IKZF2: variants seen among roughly 807,000 people sequenced by gnomAD.
IKZF2 encodes the protein zinc finger protein Helios.
A neutral mutation model predicts 49.2 loss-of-function variants in IKZF2; 15 were observed. The ratio of observed to expected loss-of-function variants is 0.30; its 90% CI spans 0.20 to 0.47. The LOEUF (loss-of-function observed/expected upper bound fraction) is 0.47, where lower values mean the gene tolerates loss of function less well. Among genes scored for constraint, IKZF2 ranks in the 20% least tolerant of loss-of-function variants. IKZF2 has a pLI of 1.00. For missense variants in IKZF2, 567 were observed against 664.6 expected (o/e 0.85, Z 1.61); for synonymous variants, 227 against 221.4 (o/e 1.03, Z -0.23).
chr2:213,150,455 CCCTCCTCCTCCTCCTCCTCCTCGT>C (rs1325100293), intron 1 of IKZF2: 38 of 186,308 alleles, frequency 2.0e-4, no homozygotes, highest in South Asian at 1.4e-3. Flanking sequence ...AAGAACACCC[CCCTCCTCCTCCTCCTCCTCCTCGT>C]CCTCCTCCTC....
chr2:213,072,469 G>A (rs1368048883), intron 4 of IKZF2, among the ~76,000 whole-genome samples: 1 of 152,144 alleles, frequency 6.6e-6, no homozygotes, highest in Admixed American at 6.5e-5. Context: ...ACAATCTGCA[G>A]ATTTTATTAT....
chr2:213,106,341 T>TA (rs1247646611), intron 4 of IKZF2, among the ~76,000 whole-genome samples: 2 of 150,636 alleles, frequency 1.3e-5, no homozygotes, highest in African/African-American at 4.9e-5. Flanking sequence ...TAACTACTCT[T>TA]ACGAAAAAAA....
intron 5 of IKZF2, among the ~76,000 whole-genome samples, chr2:213,053,360 T>A (rs1366922853): frequency 1.3e-5 from 2 of 152,176 alleles, no homozygotes; most frequent in Non-Finnish European, 2.9e-5. Flanking sequence ...GATTATATAT[T>A]ATTTTTATTA....
At chr2:213,140,995 T>C (rs1046690164) in intron 4 of IKZF2, among the ~76,000 whole-genome samples, 7 of 151,960 alleles carry the variant, frequency 4.6e-5, no homozygotes, top group African/African-American at 1.4e-4. Context: ...CTCTCCCAAA[T>C]TGTACCCTGT....
At chr2:213,086,161 CTGTACTAGTG>C (rs1432363111) in intron 4 of IKZF2, among the ~76,000 whole-genome samples, 1 of 152,144 alleles carries the variant, frequency 6.6e-6, no homozygotes, top group African/African-American at 2.4e-5. Context: ...ACCTAAAACA[CTGTACTAGTG>C]AACCTTATGT....
chr2:213,076,155 G>A (rs1391799072), intron 4 of IKZF2, among the ~76,000 whole-genome samples: 1 of 151,666 alleles, frequency 6.6e-6, no homozygotes, highest in Admixed American at 6.6e-5. Flanking sequence ...AAAGTGAACG[G>A]AAGTAAACTT....
intron 4 of IKZF2, among the ~76,000 whole-genome samples, chr2:213,058,879 C>T (rs1024299864): frequency 5.3e-5 from 8 of 151,848 alleles, no homozygotes; most frequent in Admixed American, 3.3e-4. Flanking sequence ...TAACCAAGCT[C>T]ACTATCTTTC....
rs1298470399 is a variant in IKZF2 at position 213,124,717 on chromosome 2, A to C, written c.139+22991T>G. Among the ~76,000 whole-genome samples, 3 of 152,340 alleles carry C rather than the reference A, an allele frequency of 2.0e-5. No individual in the cohort carries two copies. The East Asian group carries it at 5.8e-4, about 29-fold the overall frequency. ...TCCTGAATAAGTATACAACAACAACAAAGTACCAGGTTTCATCTTTTCTCA... is the reference window on the plus strand; with the variant it reads ...TCCTGAATAAGTATACAACAACAACCAAGTACCAGGTTTCATCTTTTCTCA... On this transcript the variant is annotated intron_variant, in intron 4 of 8. Transcript: ENST00000434687.
At chr2:213,124,776 T>C (rs767671695) in intron 4 of IKZF2, among the ~76,000 whole-genome samples, 1 of 152,206 alleles carries the variant, frequency 6.6e-6, no homozygotes, top group Non-Finnish European at 1.5e-5. Context: ...TCCAAGGAAT[T>C]CAACTTGCTA....
intron 4 of IKZF2, among the ~76,000 whole-genome samples, chr2:213,108,542 T>A (rs541961603): frequency 3.9e-5 from 6 of 152,268 alleles, no homozygotes; most frequent in African/African-American, 1.4e-4. Context: ...CGGGCTACAG[T>A]GGTAGTGTTA....
At chr2:213,098,964 G>A (rs759133500) in intron 4 of IKZF2, among the ~76,000 whole-genome samples, 4 of 152,184 alleles carry the variant, frequency 2.6e-5, no homozygotes, top group African/African-American at 9.6e-5. Context: ...TCTTGCCCTT[G>A]ATAGTTTTTA....
intron 3 of IKZF2, 128 bp downstream of exon 3, chr2:213,148,468 G>GA: frequency 1.5e-6 from 1 of 649,058 alleles, no homozygotes; most frequent in Non-Finnish European, 2.7e-6. Flanking sequence ...ATTCAAAGGT[G>GA]AAATTGTGAA....
chr2:213,034,555 G>A (rs1468874026), intron 6 of IKZF2, among the ~76,000 whole-genome samples: 1 of 152,148 alleles, frequency 6.6e-6, no homozygotes, highest in African/African-American at 2.4e-5. Flanking sequence ...GAGGGACAGA[G>A]GGACAGAGAA....
intron 4 of IKZF2, among the ~76,000 whole-genome samples, chr2:213,076,483 G>A (rs1207277660): frequency 2.6e-5 from 4 of 152,048 alleles, no homozygotes; most frequent in Non-Finnish European, 2.9e-5. Context: ...AACATCTATC[G>A]ATCTATCTTC....
At chr2:213,071,706 C>T (rs1702724505) in intron 4 of IKZF2, among the ~76,000 whole-genome samples, 1 of 152,108 alleles carries the variant, frequency 6.6e-6, no homozygotes. Flanking sequence ...AATTCCTGAA[C>T]TAAGGACTTG....
At chr2:213,068,361 T>G (rs1702353987) in intron 4 of IKZF2, among the ~76,000 whole-genome samples, 1 of 152,114 alleles carries the variant, frequency 6.6e-6, no homozygotes, top group African/African-American at 2.4e-5. Flanking sequence ...TCACCTGGAA[T>G]TGTACAAGTT....
At chr2:213,046,775 T>C (rs1281699417) in intron 6 of IKZF2, among the ~76,000 whole-genome samples, 1 of 152,160 alleles carries the variant, frequency 6.6e-6, no homozygotes, top group Non-Finnish European at 1.5e-5. Flanking sequence ...CAGAGGGCAT[T>C]CACTGTAGTG....
At chr2:213,118,462 T>C (rs1559296595) in intron 4 of IKZF2, among the ~76,000 whole-genome samples, 2 of 152,212 alleles carry the variant, frequency 1.3e-5, no homozygotes, top group Non-Finnish European at 2.9e-5. Context: ...AAATGTGTTC[T>C]ATATTTGTAA....
chr2:213,081,988 T>C (rs546588520), intron 4 of IKZF2, among the ~76,000 whole-genome samples: 1 of 152,290 alleles, frequency 6.6e-6, no homozygotes, highest in South Asian at 2.1e-4. Context: ...ACTAAACTAG[T>C]TATATTTTAA....
Sources: gnomAD v4.1 joint callset for allele counts (sites outside exome capture counted in the v4.1 genomes callset) on GRCh38, gnomAD v4.1.1 for gene constraint, MANE v1.5 for transcripts, NCBI Gene and HGNC (gene_info 2026-07-23, HGNC 2026-07-21) for gene names.